ALMS1: variants seen among roughly 807,000 people sequenced by gnomAD.
ALMS1 encodes the protein ALMS1 centrosome and basal body associated protein, also known as centrosome-associated protein ALMS1.
In ALMS1, 271 loss-of-function variants were observed where a neutral mutation model predicts 352.2. That is an observed-to-expected ratio of 0.77 (90% CI 0.70 to 0.85). The LOEUF (loss-of-function observed/expected upper bound fraction) is 0.85, where lower values mean the gene tolerates loss of function less well. ALMS1 is among the 40% of genes least tolerant of loss of function. The probability of loss-of-function intolerance (pLI) is 0.00; values close to 1 mark genes in which losing one functional copy is unlikely to be tolerated. For missense variants in ALMS1, 5,445 were observed against 4,870.7 expected, an observed-to-expected ratio of 1.12 and a Z score of -3.51; for synonymous variants, 1,865 against 1,761.2, an observed-to-expected ratio of 1.06 and a Z score of -1.48.
chr2:73,477,239 A>G (rs936426566), intron 9 of ALMS1, among the ~76,000 whole-genome samples: 1 of 151,860 alleles, frequency 6.6e-6, no homozygotes, highest in Non-Finnish European at 1.5e-5. Context: ...TGTTGAAAAG[A>G]CTCTTCTTTC....
intron 9 of ALMS1, among the ~76,000 whole-genome samples, chr2:73,473,297 G>C (rs756861851): frequency 5.9e-5 from 9 of 151,952 alleles, no homozygotes; most frequent in Non-Finnish European, 1.3e-4. Context: ...TTGGCTGCAG[G>C]TGTTTAAGGA....
At chr2:73,552,204 T>G (rs1674453007) in intron 13 of ALMS1, among the ~76,000 whole-genome samples, 1 of 152,230 alleles carries the variant, frequency 6.6e-6, no homozygotes. Context: ...TCCCTCCATT[T>G]TTTTAGATAA....
chr2:73,399,615 G>GT (rs1384368203), intron 1 of ALMS1, among the ~76,000 whole-genome samples: 1 of 151,898 alleles, frequency 6.6e-6, no homozygotes, highest in African/African-American at 2.4e-5. Flanking sequence ...CCATGATCCA[G>GT]TCACCTTGTA....
chr2:73,581,694 G>T (rs1250977954), intron 16 of ALMS1, among the ~76,000 whole-genome samples: 3 of 151,870 alleles, frequency 2.0e-5, no homozygotes, highest in Non-Finnish European at 4.4e-5. Flanking sequence ...TCGTTCCCAG[G>T]TGGAGTTGTG....
intron 5 of ALMS1, among the ~76,000 whole-genome samples, chr2:73,426,187 T>C (rs1322611929): frequency 6.6e-6 from 1 of 152,208 alleles, no homozygotes. Context: ...TTACTCAAAC[T>C]TTAATTTGGG....
intron 9 of ALMS1, among the ~76,000 whole-genome samples, chr2:73,468,374 T>C (rs182130676): frequency 1.1e-4 from 16 of 152,180 alleles, no homozygotes; most frequent in African/African-American, 3.9e-4. Context: ...TAAATTTTTT[T>C]TATCATGGTA....
chr2:73,602,921 T>C (rs1398138593), intron 20 of ALMS1, among the ~76,000 whole-genome samples: 5 of 152,216 alleles, frequency 3.3e-5, no homozygotes, highest in Non-Finnish European at 7.3e-5. Flanking sequence ...TTAACAATTA[T>C]GATAAGCAGA....
chr2:73,449,845 C>G lies in ALMS1; in HGVS notation c.3318C>G (p.Phe1106Leu), dbSNP rs1044966122. ...CACAAAGAGAGAAGCCTGGTATTTTCTACCAACAGACCTTGCCAGAGAGTC... is the reference window on the plus strand; with the variant it reads ...CACAAAGAGAGAAGCCTGGTATTTTGTACCAACAGACCTTGCCAGAGAGTC... ...FYSQREKPGI[F>L]YQQTLPESHL... is the part of the protein sequence containing the mutation. The change falls in exon 8 of 23, where the codon TTC becomes TTG. Residue 1106 changes from phenylalanine to leucine, a missense_variant. By Grantham distance (22) the Phe-to-Leu change is conservative. Coordinates refer to ENST00000613296, the MANE Select transcript of ALMS1 (RefSeq NM_001378454.1). The G allele has an allele frequency of 2.5e-6, 4 of 1,613,966 alleles. No individual in the cohort carries two copies. In the African/African-American group the frequency reaches 4.0e-5, roughly 16 times the overall value.
chr2:73,394,403 G>A (rs1670711121), intron 1 of ALMS1, among the ~76,000 whole-genome samples: 1 of 152,036 alleles, frequency 6.6e-6, no homozygotes, highest in South Asian at 2.1e-4. Flanking sequence ...CCAGGCTGGA[G>A]TGCAGTGGTG....
chr2:73,468,782 T>G (rs562579057), intron 9 of ALMS1, among the ~76,000 whole-genome samples: 2 of 152,172 alleles, frequency 1.3e-5, no homozygotes, highest in African/African-American at 4.8e-5. Context: ...TTGATTAAAT[T>G]TATTTACTTT....
intron 8 of ALMS1, among the ~76,000 whole-genome samples, chr2:73,454,878 A>G (rs560215632): frequency 3.3e-5 from 5 of 152,348 alleles, no homozygotes; most frequent in African/African-American, 1.2e-4. Flanking sequence ...GGAGAGGTAA[A>G]GAAACTCATG....
At chr2:73,418,680 C>G (rs1230096766) in intron 2 of ALMS1, among the ~76,000 whole-genome samples, 3 of 152,170 alleles carry the variant, frequency 2.0e-5, no homozygotes, top group Admixed American at 6.5e-5. Context: ...ATGAATCTTT[C>G]AGAGGTTTCC....
chr2:73,599,567 G>A (rs1177983269), intron 17 of ALMS1, 46 bp downstream of exon 17: 1 of 1,588,820 alleles, frequency 6.3e-7, no homozygotes, highest in African/African-American at 1.3e-5. Flanking sequence ...CATTGAAATG[G>A]CTCTTAAACA....
chr2:73,428,844 C>T (rs541076275), intron 6 of ALMS1, among the ~76,000 whole-genome samples: 2 of 151,910 alleles, frequency 1.3e-5, no homozygotes, highest in East Asian at 3.9e-4. Context: ...GGCTTGCTTA[C>T]TCCTTGGTTT....
chr2:73,565,819 A>G (rs767918147), intron 15 of ALMS1, among the ~76,000 whole-genome samples: 1 of 152,228 alleles, frequency 6.6e-6, no homozygotes, highest in Non-Finnish European at 1.5e-5. Context: ...AAGGACATTT[A>G]TACTTGACCA....
At chr2:73,535,082 C>A in intron 12 of ALMS1, 133 bp downstream of exon 12, 2 of 1,123,134 alleles carry the variant, frequency 1.8e-6, no homozygotes, top group Non-Finnish European at 2.7e-6. Flanking sequence ...ATACCTTGAT[C>A]TCTGGTTCAG....
chr2:73,465,470 C>T (rs911069754), intron 9 of ALMS1, among the ~76,000 whole-genome samples: 14 of 152,098 alleles, frequency 9.2e-5, no homozygotes, highest in East Asian at 1.9e-4. Flanking sequence ...TTCCTTACAC[C>T]GTATACAAAA....
chr2:73,561,506 A>G (rs968913238), intron 15 of ALMS1, among the ~76,000 whole-genome samples: 1 of 152,124 alleles, frequency 6.6e-6, no homozygotes, highest in African/African-American at 2.4e-5. Context: ...TTCCCACCTC[A>G]GTATGAAATA....
At chr2:73,594,925 C>T (rs1675513803) in intron 16 of ALMS1, among the ~76,000 whole-genome samples, 1 of 152,152 alleles carries the variant, frequency 6.6e-6, no homozygotes, top group African/African-American at 2.4e-5. Flanking sequence ...CTCAGCTAAG[C>T]TTGTTGTGCT....
Sources: allele counts gnomAD v4.1 joint callset (sites outside exome capture counted in the v4.1 genomes callset), GRCh38; gene constraint gnomAD v4.1.1; transcripts MANE v1.5; gene names NCBI Gene and HGNC (gene_info 2026-07-23, HGNC 2026-07-21).